Variants in DCUN1D2 observed in about 807,000 individuals in gnomAD.
The protein encoded by DCUN1D2 is DCN1-like protein 2.
A neutral mutation model predicts 30.9 loss-of-function variants in DCUN1D2; 29 were observed. That is an observed-to-expected ratio of 0.94 (90% confidence interval 0.70 to 1.28). The LOEUF (loss-of-function observed/expected upper bound fraction) is 1.28. DCUN1D2 is among the 50% of genes most tolerant of loss of function. DCUN1D2 has a pLI of 0.00. For synonymous variants in DCUN1D2, 121 were observed against 115.3 expected, an observed-to-expected ratio of 1.05 and a Z score of -0.32; for missense variants, 325 against 316.9, an observed-to-expected ratio of 1.03 and a Z score of -0.19.
At chr13:113,480,851 G>T in intron 2 of DCUN1D2, 108 bp from the exon 3 acceptor site, 2 of 1,172,752 alleles carry the variant, frequency 1.7e-6, no homozygotes, top group Non-Finnish European at 2.4e-6. Context: ...TCTAGCAAGC[G>T]TGTTTCCAAT....
rs1302313268 is a variant in DCUN1D2, at chr13:113,490,660, C to T, written c.3+7G>A. ...CCGACGGGCAGAGGCGACGCCGGGC[C>T]ACCTACCATCTCCCCCGCGCCGCCC... On this transcript the variant is annotated splice_region_variant and intron_variant, in intron 1 of 6. Coordinates refer to ENST00000478244, the MANE Select transcript of DCUN1D2 (RefSeq NM_001014283.2). The surrounding 1 kb of genome is among the most constrained non-coding windows in gnomAD (Gnocchi z 5.2). 2 of 1,249,692 alleles carry T rather than the reference C, an allele frequency of 1.6e-6. No homozygotes were observed. Among genetic ancestry groups the T allele is most frequent in the Non-Finnish European group, 2.0e-6 (2 of 996,366 alleles). The allele number at this position is 1,249,692 out of a possible 1,614,324, so 77.4% of individuals were successfully genotyped here. A position where few individuals can be genotyped will look rare whatever the true frequency, so the allele number is the denominator to read the frequency against.
intron 2 of DCUN1D2, among the ~76,000 whole-genome samples, chr13:113,482,566 A>G (rs953530838): frequency 6.6e-6 from 1 of 152,176 alleles, no homozygotes; most frequent in African/African-American, 2.4e-5. Flanking sequence ...TTTTAAAGCA[A>G]TTTTCAACTC....
chr13:113,472,958 T>C (rs1193726637), intron 4 of DCUN1D2, among the ~76,000 whole-genome samples: 1 of 151,262 alleles, frequency 6.6e-6, no homozygotes, highest in Non-Finnish European at 1.5e-5. Context: ...CCTGCGCCTC[T>C]GCTCCCGTAC....
chr13:113,480,182 C>G (rs1458333158), intron 3 of DCUN1D2, among the ~76,000 whole-genome samples: 2 of 152,066 alleles, frequency 1.3e-5, no homozygotes, highest in Non-Finnish European at 2.9e-5. Context: ...AAAAATGTTA[C>G]AAGCAAAAAC....
chr13:113,480,402 A>T (rs1401407241), intron 3 of DCUN1D2, 173 bp downstream of exon 3: 1 of 485,924 alleles, frequency 2.1e-6, no homozygotes, highest in Non-Finnish European at 3.4e-6. Context: ...TTAAATTGAA[A>T]ATTAAAAGGA....
intron 4 of DCUN1D2, among the ~76,000 whole-genome samples, chr13:113,472,483 C>T (rs1021636970): frequency 6.6e-6 from 1 of 152,086 alleles, no homozygotes. Flanking sequence ...AGGAAGGGAG[C>T]GGTCACCAAC....
chr13:113,473,346 C>T (rs2044557372), intron 4 of DCUN1D2, among the ~76,000 whole-genome samples: 2 of 152,186 alleles, frequency 1.3e-5, no homozygotes, highest in African/African-American at 4.8e-5. Context: ...CCCTGAATCC[C>T]TGCTGCAGGG....
At chr13:113,487,547 C>T (rs1190644388) in intron 1 of DCUN1D2, among the ~76,000 whole-genome samples, 1 of 152,182 alleles carries the variant, frequency 6.6e-6, no homozygotes, top group East Asian at 1.9e-4. Context: ...AGTCCAGCCA[C>T]ACGGTGCACG....
At chr13:113,459,607 G>T in intron 5 of DCUN1D2, 199 bp from the exon 6 acceptor site, 1 of 416,264 alleles carries the variant, frequency 2.4e-6, no homozygotes, top group Non-Finnish European at 4.3e-6. Flanking sequence ...ATAGAAAGCA[G>T]ATTTATTTAA....
At chr13:113,483,216 A>G (rs1242229168) in intron 2 of DCUN1D2, among the ~76,000 whole-genome samples, 1 of 152,174 alleles carries the variant, frequency 6.6e-6, no homozygotes, top group African/African-American at 2.4e-5. Context: ...GTCTCAGTTC[A>G]AGGCACATTT....
intron 5 of DCUN1D2, among the ~76,000 whole-genome samples, chr13:113,460,228 A>T (rs977639628): frequency 6.6e-6 from 1 of 151,932 alleles, no homozygotes; most frequent in Non-Finnish European, 1.5e-5. Flanking sequence ...CACCTGCCAC[A>T]CTCTCTGGGT....
chr13:113,472,615 G>A (rs1466554544), intron 4 of DCUN1D2, among the ~76,000 whole-genome samples: 1 of 152,214 alleles, frequency 6.6e-6, no homozygotes, highest in Non-Finnish European at 1.5e-5. Flanking sequence ...TGAGCAGCCT[G>A]CACCTCTGGC....
At chr13:113,463,999 C>G (rs1203168988) in intron 4 of DCUN1D2, among the ~76,000 whole-genome samples, 1 of 152,208 alleles carries the variant, frequency 6.6e-6, no homozygotes, top group Non-Finnish European at 1.5e-5. Flanking sequence ...ACTGACGGCT[C>G]TACTTCTGGG....
chr13:113,479,650 G>A (rs1171623653), intron 3 of DCUN1D2, among the ~76,000 whole-genome samples: 1 of 152,118 alleles, frequency 6.6e-6, no homozygotes, highest in African/African-American at 2.4e-5. Flanking sequence ...TTGAACTCAG[G>A]AGACGGAGTT....
intron 4 of DCUN1D2, among the ~76,000 whole-genome samples, chr13:113,464,614 G>A (rs763908860): frequency 2.6e-5 from 4 of 152,228 alleles, no homozygotes; most frequent in Non-Finnish European, 5.9e-5. Context: ...ACGTTGCTGC[G>A]GGGGACACGG....
chr13:113,490,537 G>T lies in DCUN1D2; in HGVS notation c.3+130C>A. On this transcript the variant is annotated intron_variant, in intron 1 of 6. Transcript: ENST00000478244. The surrounding 1 kb of genome is among the most constrained non-coding windows in gnomAD (Gnocchi z 5.2). ...CGGGCCCGCGGCGCGTTCCTCCCTCGGATCCACGCGGAACGCCCCGCGCAG... is the reference window on the plus strand; with the variant it reads ...CGGGCCCGCGGCGCGTTCCTCCCTCTGATCCACGCGGAACGCCCCGCGCAG... The T allele has an allele frequency of 2.1e-6, 2 of 973,598 alleles. No homozygotes were observed. Among genetic ancestry groups the T allele is most frequent in the African/African-American group, 1.7e-5 (1 of 57,784 alleles). The allele number at this position is 973,598 out of a possible 1,614,324, so 60.3% of individuals were successfully genotyped here.
intron 5 of DCUN1D2, among the ~76,000 whole-genome samples, chr13:113,460,527 G>A (rs1040921774): frequency 3.3e-5 from 5 of 152,226 alleles, no homozygotes; most frequent in Non-Finnish European, 5.9e-5. Flanking sequence ...CACCAGCAAA[G>A]TGTCTCTCCA....
At position 113,480,566 on chromosome 13, in the gene DCUN1D2, T is replaced by C. The variant is rs368144568; in HGVS notation, c.389+9A>G. 2.9e-5 allele frequency: 47 copies of C among 1,613,712 alleles called. No homozygotes were observed. In the African/African-American group the frequency reaches 5.9e-4, roughly 20 times the overall value. On this transcript the variant is annotated intron_variant, in intron 3 of 6. Transcript: ENST00000478244. ...CTGAAAACATTTAAGCTAAGAATAG[T>C]TGACTTACCCAAGTTCTGTCATGCC...
chr13:113,487,973 C>T (rs2044837675), intron 1 of DCUN1D2, among the ~76,000 whole-genome samples: 1 of 152,188 alleles, frequency 6.6e-6, no homozygotes, highest in Non-Finnish European at 1.5e-5. Flanking sequence ...TGACTCCACA[C>T]CAGGAATGTG....
Sources: gnomAD v4.1 joint callset for allele counts (sites outside exome capture counted in the v4.1 genomes callset) on GRCh38, gnomAD v4.1.1 for gene constraint, Gnocchi (gnomAD v3.1) non-coding constraint, MANE v1.5 for transcripts, NCBI Gene and HGNC (gene_info 2026-07-23, HGNC 2026-07-21) for gene names.